The following XRCC6 variants were observed in gnomAD, a reference collection of about 807,000 sequenced individuals.
XRCC6 encodes DNA repair protein Ku70.
XRCC6 carries 5 observed loss-of-function variants against 65.7 expected under a neutral mutation model. The observed-to-expected ratio is 0.08, with a 90% CI of 0.04 to 0.16. The LOEUF (loss-of-function observed/expected upper bound fraction) is 0.16, where lower values mean the gene tolerates loss of function less well. Among genes scored for constraint, XRCC6 ranks in the 10% least tolerant of loss-of-function variants. XRCC6 has a pLI of 1.00. For synonymous variants in XRCC6, 270 were observed against 270.6 expected, an observed-to-expected ratio of 1.00 and a Z score of 0.02; for missense variants, 447 against 738.1, an observed-to-expected ratio of 0.61 and a Z score of 4.57.
rs368334650 is a variant in XRCC6, at chr22:41,650,863, C to T, written c.1101C>T (p.Phe367=). The change falls in exon 8 of 13, where the codon TTC becomes TTT. Residue 367 remains phenylalanine (F), a synonymous_variant. Transcript: ENST00000360079. ...ACCATTACCTGAGGCCCTCCCTGTT[C>T]GTGTACCCAGAGGAGTCGCTGGTGA... The part of the protein sequence containing the change: ...KKHHYLRPSL[F]VYPEESLVIG... The T allele has an allele frequency of 1.4e-5, 22 of 1,614,014 alleles. No homozygotes were observed. Among genetic ancestry groups the T allele is most frequent in the South Asian group, 2.2e-5 (2 of 91,070 alleles).
intron 6 of XRCC6, among the ~76,000 whole-genome samples, chr22:41,643,787 C>G (rs12484126): frequency 6.6e-6 from 1 of 151,126 alleles, no homozygotes; most frequent in Non-Finnish European, 1.5e-5. Context: ...CGCCACTGCA[C>G]TCCACCCTAG....
At chr22:41,626,898 C>T (rs746246032) in intron 2 of XRCC6, among the ~76,000 whole-genome samples, 3 of 152,030 alleles carry the variant, frequency 2.0e-5, no homozygotes, top group Non-Finnish European at 2.9e-5. Context: ...CCTCGGCCTC[C>T]CAAAGTGCTG....
chr22:41,640,738 G>T (rs1330040696), intron 6 of XRCC6, among the ~76,000 whole-genome samples: 1 of 152,154 alleles, frequency 6.6e-6, no homozygotes, highest in Non-Finnish European at 1.5e-5. Context: ...CCTCAGACAA[G>T]TATCTTGTCA....
chr22:41,636,596 T>G lies in XRCC6; in HGVS notation c.415T>G (p.Ser139Ala). The G allele has an allele frequency of 6.2e-7, 1 of 1,614,048 alleles. No individual in the cohort carries two copies. Among genetic ancestry groups the G allele is most frequent in the Non-Finnish European group, 8.5e-7 (1 of 1,179,958 alleles). ...TTTCCAAGACATGATGGGCCACGGA[T>G]CTGACTACTCACTCAGTGAAGTGCT... ...KRFQDMMGHG[S>A]DYSLSEVLWV... The change falls in exon 5 of 13, where the codon TCT becomes GCT. Residue 139 changes from serine (S) to alanine (A), a missense_variant. Ser to Ala is a moderately conservative substitution (Grantham distance 99). Around this residue, in one of 4 missense-constraint regions of XRCC6, gnomAD observed 228 missense variants for 307.4 expected, o/e 0.74. Transcript: ENST00000360079.
intron 12 of XRCC6, 66 bp from the exon 13 acceptor site, chr22:41,663,556 C>A: frequency 6.5e-7 from 1 of 1,535,012 alleles, no homozygotes; most frequent in Non-Finnish European, 8.9e-7. Flanking sequence ...GTCCCCCATG[C>A]CATGTAGCTG....
At chr22:41,652,490 G>A (rs1011610818) in intron 8 of XRCC6, among the ~76,000 whole-genome samples, 5 of 150,280 alleles carry the variant, frequency 3.3e-5, no homozygotes, top group Non-Finnish European at 5.9e-5. Context: ...TCACCCTCTC[G>A]AGCAACTGGG....
intron 10 of XRCC6, among the ~76,000 whole-genome samples, chr22:41,657,490 T>TTATTA (rs2068055312): frequency 7.2e-6 from 1 of 138,244 alleles, no homozygotes. Flanking sequence ...TTTTTAAAAA[T>TTATTA]TTATTATTAT....
At chr22:41,639,363 GTC>G (rs2067849492) in intron 6 of XRCC6, among the ~76,000 whole-genome samples, 1 of 57,936 alleles carries the variant, frequency 1.7e-5, no homozygotes, top group Non-Finnish European at 3.3e-5. Flanking sequence ...TTGAGACAAA[GTC>G]TCACCCTGTT....
intron 2 of XRCC6, among the ~76,000 whole-genome samples, chr22:41,623,103 T>C (rs1032908503): frequency 6.6e-6 from 1 of 152,140 alleles, no homozygotes; most frequent in Non-Finnish European, 1.5e-5. Flanking sequence ...ATATATTTTT[T>C]AATTTTTTAA....
At chr22:41,646,782 C>G (rs1402254780) in intron 6 of XRCC6, 114 bp from the exon 7 acceptor site, 1 of 889,430 alleles carries the variant, frequency 1.1e-6, no homozygotes, top group African/African-American at 1.7e-5. Flanking sequence ...ATTTTGAGAG[C>G]TTGCTTAGGA....
rs1178290342 is a variant in XRCC6, at chr22:41,663,938, T to C, written c.*123T>C. The C allele has an allele frequency of 9.1e-7, 1 of 1,104,714 alleles. No homozygotes were observed. Among genetic ancestry groups the C allele is most frequent in the Admixed American group, 2.8e-5 (1 of 35,266 alleles). 68.4% of individuals were successfully genotyped at this position (1,104,714 alleles called of 1,614,324 possible). A position where few individuals can be genotyped will look rare whatever the true frequency, so the allele number is the denominator to read the frequency against. ...GTCTACCCGACATAAGTCGAGGGAC[T>C]TTATGTTTTTGAGGCTTTCTGTTGC... On this transcript the variant is annotated 3_prime_UTR_variant, in exon 13 of 13. Transcript: ENST00000360079.
intron 7 of XRCC6, among the ~76,000 whole-genome samples, chr22:41,649,524 C>G (rs1317994017): frequency 6.6e-6 from 1 of 151,900 alleles, no homozygotes; most frequent in South Asian, 2.1e-4. Flanking sequence ...ACATTGAGAC[C>G]TAGCACAGTA....
At chr22:41,658,800 G>A (rs2068071187) in intron 11 of XRCC6, among the ~76,000 whole-genome samples, 1 of 152,216 alleles carries the variant, frequency 6.6e-6, no homozygotes, top group East Asian at 1.9e-4. Flanking sequence ...GTGTGGTGGC[G>A]TGTGCCTGTA....
intron 10 of XRCC6, among the ~76,000 whole-genome samples, chr22:41,657,535 A>ATTT (rs869070252): frequency 7.8e-6 from 1 of 127,980 alleles, no homozygotes; most frequent in Non-Finnish European, 1.7e-5. Flanking sequence ...TATTATTATT[A>ATTT]TTTTGAGACA....
intron 7 of XRCC6, among the ~76,000 whole-genome samples, chr22:41,647,850 G>C (rs1023003290): frequency 6.6e-6 from 1 of 152,000 alleles, no homozygotes; most frequent in Non-Finnish European, 1.5e-5. Flanking sequence ...TGGGATTATA[G>C]GTGTGAACCA....
At chr22:41,660,235 ATAG>A (rs1246785156) in intron 11 of XRCC6, among the ~76,000 whole-genome samples, 3 of 152,188 alleles carry the variant, frequency 2.0e-5, no homozygotes, top group African/African-American at 7.2e-5. Context: ...ATTTAACAAT[ATAG>A]TTGTAAGCTA....
chr22:41,639,909 C>T (rs1351866590), intron 6 of XRCC6, among the ~76,000 whole-genome samples: 1 of 149,046 alleles, frequency 6.7e-6, no homozygotes, highest in South Asian at 2.1e-4. Flanking sequence ...CCGCCCGCCT[C>T]GGCCTCCCAA....
intron 12 of XRCC6, among the ~76,000 whole-genome samples, chr22:41,663,289 C>T (rs2068116035): frequency 6.6e-6 from 1 of 151,998 alleles, no homozygotes; most frequent in Non-Finnish European, 1.5e-5. Flanking sequence ...ACTTTAGAGC[C>T]AGGGTCTCAC....
chr22:41,623,491 C>G (rs147808574), intron 2 of XRCC6, among the ~76,000 whole-genome samples: 1,823 of 148,762 alleles, frequency 0.012, 43 homozygotes, highest in African/African-American at 0.043. Flanking sequence ...GGGTTCATGC[C>G]ATTCTCCTGC....
Sources: gnomAD v4.1 joint callset for allele counts (sites outside exome capture counted in the v4.1 genomes callset) on GRCh38, gnomAD v4.1.1 for gene constraint, gnomAD v4.1.1 regional missense constraint, MANE v1.5 for transcripts, NCBI Gene and HGNC (gene_info 2026-07-23, HGNC 2026-07-21) for gene names.